The following CHCHD6 variants were observed in gnomAD, a reference collection of about 807,000 sequenced individuals.
The protein encoded by CHCHD6 is coiled-coil-helix-coiled-coil-helix domain containing 6.
CHCHD6 carries 28 observed loss-of-function variants against 32.3 expected under a neutral mutation model. The ratio of observed to expected loss-of-function variants is 0.87; its 90% CI spans 0.64 to 1.19. The LOEUF (loss-of-function observed/expected upper bound fraction) is 1.19. Ranked by LOEUF, CHCHD6 falls within the 50% of genes most tolerant of loss-of-function variation. The pLI is 0.00. For synonymous variants in CHCHD6, 122 were observed against 117.5 expected (o/e 1.04, Z -0.25); for missense variants, 333 against 307.0 (o/e 1.08, Z -0.63).
At chr3:126,790,760 G>T (rs924677191) in intron 4 of CHCHD6, among the ~76,000 whole-genome samples, 1 of 152,016 alleles carries the variant, frequency 6.6e-6, no homozygotes, top group African/African-American at 2.4e-5. Context: ...TCTTTGTGAT[G>T]GGTTCAAACT....
At chr3:126,829,961 T>G (rs968274731) in intron 4 of CHCHD6, among the ~76,000 whole-genome samples, 1 of 152,040 alleles carries the variant, frequency 6.6e-6, no homozygotes, top group East Asian at 1.9e-4. Context: ...AGCTGGGTGT[T>G]GTGGCACGCA....
intron 4 of CHCHD6, among the ~76,000 whole-genome samples, chr3:126,736,312 C>T (rs547061781): frequency 1.3e-5 from 2 of 152,216 alleles, no homozygotes; most frequent in East Asian, 1.9e-4. Flanking sequence ...GATCACAGCA[C>T]ATCCTTCTAG....
At chr3:126,844,291 C>G (rs1165476343) in intron 4 of CHCHD6, among the ~76,000 whole-genome samples, 1 of 152,114 alleles carries the variant, frequency 6.6e-6, no homozygotes, top group East Asian at 1.9e-4. Context: ...TCTACTTGTT[C>G]TATCAATATT....
intron 4 of CHCHD6, among the ~76,000 whole-genome samples, chr3:126,756,327 T>A (rs1054632354): frequency 2.6e-5 from 4 of 152,310 alleles, no homozygotes; most frequent in Non-Finnish European, 5.9e-5. Flanking sequence ...ATGAACATTA[T>A]TAAAACGCTT....
intron 4 of CHCHD6, among the ~76,000 whole-genome samples, chr3:126,778,926 A>ATTTT (rs71150453): frequency 7.5e-6 from 1 of 133,162 alleles, no homozygotes; most frequent in African/African-American, 2.8e-5. Context: ...GGCTCATTAA[A>ATTTT]TTTTTTTTTT....
intron 4 of CHCHD6, among the ~76,000 whole-genome samples, chr3:126,830,507 C>T (rs1940594819): frequency 6.6e-6 from 1 of 152,222 alleles, no homozygotes; most frequent in South Asian, 2.1e-4. Flanking sequence ...GCAGCACGAT[C>T]ACAACAGAAC....
chr3:126,723,641 T>G (rs1935409633), intron 1 of CHCHD6, among the ~76,000 whole-genome samples: 1 of 152,340 alleles, frequency 6.6e-6, no homozygotes, highest in Middle Eastern at 3.4e-3. Flanking sequence ...TTCTTAATGG[T>G]TCCATAAAAT....
Position 126,953,167 on chromosome 3 carries a change from G to A in CHCHD6, c.567-4249G>A, listed in dbSNP as rs116317636. The A allele has an allele frequency of 7.4e-4, 730 of 983,392 alleles. 6 individuals are homozygous for A. The African/African-American group carries it at 0.012, about 16-fold the overall frequency. 60.9% of individuals were successfully genotyped at this position (983,392 alleles called of 1,614,324 possible). A position where few individuals can be genotyped will look rare whatever the true frequency, so the allele number is the denominator to read the frequency against. ...CGACCACACAGTGGAAAGTGACAAA[G>A]CCAGCGCCTTGCCCCAGGTTTGTCT... On this transcript the variant is annotated intron_variant, in intron 6 of 7. Transcript: ENST00000290913.
chr3:126,753,323 A>G (rs1416682679), intron 4 of CHCHD6, among the ~76,000 whole-genome samples: 1 of 152,114 alleles, frequency 6.6e-6, no homozygotes, highest in Non-Finnish European at 1.5e-5. Context: ...TGTTTCTGTG[A>G]AGAAGTCAAG....
intron 5 of CHCHD6, among the ~76,000 whole-genome samples, chr3:126,860,155 G>A: frequency 6.6e-6 from 1 of 152,164 alleles, no homozygotes; most frequent in Non-Finnish European, 1.5e-5. Context: ...GGATGTGAGT[G>A]TGAGAGGCCT....
At chr3:126,877,554 C>CAAA (rs148963842) in intron 5 of CHCHD6, among the ~76,000 whole-genome samples, 1 of 130,012 alleles carries the variant, frequency 7.7e-6, no homozygotes, top group Non-Finnish European at 1.6e-5. Context: ...GACTCCATCT[C>CAAA]AAAAAAAAAA....
chr3:126,788,516 C>A (rs1439111397), intron 4 of CHCHD6, among the ~76,000 whole-genome samples: 2 of 152,152 alleles, frequency 1.3e-5, no homozygotes, highest in African/African-American at 4.8e-5. Context: ...TGTTATTGGT[C>A]TATTCAGGGA....
chr3:126,728,792 G>A (rs1935655413), intron 2 of CHCHD6, among the ~76,000 whole-genome samples: 2 of 152,342 alleles, frequency 1.3e-5, no homozygotes, highest in South Asian at 4.1e-4. Context: ...AGTTTAGAAA[G>A]CAAGAACAGT....
chr3:126,823,906 C>CAAAAACAAAAACAAAA (rs1424592450), intron 4 of CHCHD6, among the ~76,000 whole-genome samples: 25 of 149,748 alleles, frequency 1.7e-4, no homozygotes, highest in Non-Finnish European at 3.4e-4. Context: ...AAAACAAAAA[C>CAAAAACAAAAACAAAA]ACACACACAC....
intron 1 of CHCHD6, among the ~76,000 whole-genome samples, chr3:126,726,002 C>T (rs138878742): frequency 7.6e-4 from 116 of 152,370 alleles, no homozygotes; most frequent in Admixed American, 1.9e-3. Context: ...TCTTACCATT[C>T]ATGTGTTCAC....
chr3:126,836,950 C>T (rs764761587), intron 4 of CHCHD6, among the ~76,000 whole-genome samples: 1 of 152,218 alleles, frequency 6.6e-6, no homozygotes, highest in African/African-American at 2.4e-5. Flanking sequence ...TGGGCTTTCA[C>T]CGGTCCAAGC....
At chr3:126,882,943 A>G (rs1354884720) in intron 5 of CHCHD6, among the ~76,000 whole-genome samples, 1 of 152,198 alleles carries the variant, frequency 6.6e-6, no homozygotes, top group African/African-American at 2.4e-5. Flanking sequence ...CACTGGAATG[A>G]CAGATGCAGG....
rs1426848472 is a variant in CHCHD6 at position 126,733,043 on chromosome 3, C to T, written c.267-35C>T. ...GGCTATGGGCTGCCCGTCATGCCAT[C>T]CACATCTGTTTCTCCTCATGTTTCT... On this transcript the variant is annotated intron_variant, in intron 3 of 7. Coordinates refer to ENST00000290913, the MANE Select transcript of CHCHD6 (RefSeq NM_032343.3). The T allele has an allele frequency of 1.9e-6, 3 of 1,609,514 alleles. No individual in the cohort carries two copies. In the African/African-American group the frequency reaches 4.0e-5, roughly 22 times the overall value.
intron 4 of CHCHD6, among the ~76,000 whole-genome samples, chr3:126,794,530 T>A (rs771708765): frequency 7.9e-5 from 12 of 151,850 alleles, no homozygotes; most frequent in Non-Finnish European, 1.8e-4. Flanking sequence ...TAAATTGGGT[T>A]CATTTCCTAT....
Sources: allele counts gnomAD v4.1 joint callset (sites outside exome capture counted in the v4.1 genomes callset), GRCh38; gene constraint gnomAD v4.1.1; transcripts MANE v1.5; gene names NCBI Gene and HGNC (gene_info 2026-07-23, HGNC 2026-07-21).